Variants in OPA1 observed in about 807,000 individuals in gnomAD.
OPA1 encodes the protein dynamin-like GTPase OPA1, mitochondrial.
Under a neutral mutation model 152.9 loss-of-function variants are expected in OPA1, and 59 were observed. The observed-to-expected ratio is 0.39, with a 90% CI of 0.31 to 0.48. OPA1 has a LOEUF of 0.48. Among genes scored for constraint, OPA1 ranks in the 20% least tolerant of loss-of-function variants. The pLI, the probability that OPA1 is intolerant of heterozygous loss-of-function variation, is 0.96. For missense variants in OPA1, 1,008 were observed against 1,216.8 expected (o/e 0.83, Z 2.55); for synonymous variants, 400 against 389.9 (o/e 1.03, Z -0.31).
At chr3:193,636,217 A>G (rs981851589) in intron 9 of OPA1, among the ~76,000 whole-genome samples, 1 of 151,926 alleles carries the variant, frequency 6.6e-6, no homozygotes, top group Admixed American at 6.6e-5. Context: ...CTTAACAAAC[A>G]TGCATTAGTA....
intron 7 of OPA1, among the ~76,000 whole-genome samples, chr3:193,626,506 T>G (rs1208540618): frequency 6.6e-6 from 1 of 152,210 alleles, no homozygotes; most frequent in Non-Finnish European, 1.5e-5. Context: ...AGTTATTGAG[T>G]CACCCTAAGT....
rs1452342143 is a variant in OPA1 at position 193,643,571 on chromosome 3, T to G, written c.1421T>G (p.Phe474Cys). ...GCTCCTGACACAAAGGAAACTATTT[T>G]CAGTATCAGCAAAGCTTACATGCAG... is the stretch of plus-strand genomic sequence containing the variant. ...GMAPDTKETI[F>C]SISKAYMQNP... Residue 474 changes from phenylalanine to cysteine, a missense_variant, in exon 15 of 31, where the codon TTC (phenylalanine) becomes TGC (cysteine). This residue lies in a region of OPA1 where 213 missense variants were observed against 291.4 expected (regional missense o/e 0.73). Transcript: ENST00000361510. 2 of 1,613,952 alleles carry G rather than the reference T, an allele frequency of 1.2e-6. No homozygotes were observed. Among genetic ancestry groups the G allele is most frequent in the South Asian group, 1.1e-5 (1 of 91,066 alleles).
intron 6 of OPA1, among the ~76,000 whole-genome samples, chr3:193,622,893 C>A (rs1179542646): frequency 6.6e-6 from 1 of 152,146 alleles, no homozygotes. Context: ...TTTTGGTCCC[C>A]TCAATTTTTT....
At position 193,624,875 on chromosome 3, in the gene OPA1, G is replaced by A. The variant is rs186898724; in HGVS notation, c.679-1217G>A. 4.5e-4 allele frequency among the ~76,000 whole-genome samples: 68 copies of A among 151,812 alleles called. 2 individuals carry two copies. In the South Asian group the frequency reaches 0.013, roughly 30 times the overall value. On this transcript the variant is annotated intron_variant, in intron 6 of 30. Transcript: ENST00000361510. ...CTAATTATATAAAATAAAATATTTT[G>A]GGCAGTCATTTTTTAACTCTGAAAC... is the stretch of plus-strand genomic sequence containing the variant.
rs2109483757 is a variant in OPA1, at chr3:193,696,700, A to G, written c.*2100A>G. ...ATTTAAACAAAAAGATACTAAATAT[A>G]CAGAAGTTAAATTCGAACTAGCCAC... On this transcript the variant is annotated 3_prime_UTR_variant, in exon 31 of 31. Transcript: ENST00000361510. 6.6e-6 allele frequency: 1 copy of G among 152,366 alleles called. No individual in the cohort carries two copies. Among genetic ancestry groups the G allele is most frequent in the Non-Finnish European group, 1.5e-5 (1 of 68,036 alleles). 9.4% of individuals were successfully genotyped at this position (152,366 alleles called of 1,614,324 possible).
chr3:193,631,746 T>C, intron 8 of OPA1, 81 bp downstream of exon 8: 7 of 1,250,544 alleles, frequency 5.6e-6, no homozygotes, highest in Non-Finnish European at 8.2e-6. Context: ...ACATTTATTT[T>C]TTCAACAGAG....
Position 193,617,378 on chromosome 3 carries a change from T to G in OPA1, c.556+93T>G. On this transcript the variant is annotated intron_variant, in intron 4 of 30. Transcript: ENST00000361510. ...TTGTTTATTCCCATTTTTTTAAAAT[T>G]AAAATATTTAGTACCAATGAAAAAC... 3.9e-6 allele frequency: 3 copies of G among 760,136 alleles called. No homozygotes were observed. In the South Asian group the frequency reaches 4.9e-5, roughly 12 times the overall value. 47.1% of individuals were successfully genotyped at this position (760,136 alleles called of 1,614,324 possible). A position where few individuals can be genotyped will look rare whatever the true frequency, so the allele number is the denominator to read the frequency against.
At chr3:193,598,972 A>G (rs954520202) in intron 1 of OPA1, among the ~76,000 whole-genome samples, 1 of 152,186 alleles carries the variant, frequency 6.6e-6, no homozygotes, top group South Asian at 2.1e-4. Context: ...AAGTGATAAC[A>G]TGGGTCACGC....
intron 9 of OPA1, 56 bp from the exon 10 acceptor site, chr3:193,637,139 A>G: frequency 5.4e-6 from 5 of 919,632 alleles, no homozygotes; most frequent in Non-Finnish European, 8.5e-6. Context: ...CACATCTGTT[A>G]TATTTTTTTC....
intron 22 of OPA1, among the ~76,000 whole-genome samples, chr3:193,655,727 G>A (rs1195640469): frequency 2.0e-5 from 3 of 152,140 alleles, no homozygotes; most frequent in African/African-American, 7.2e-5. Flanking sequence ...ACTGCTCAGG[G>A]AATGGACCTG....
intron 1 of OPA1, among the ~76,000 whole-genome samples, chr3:193,595,127 C>T (rs1421328677): frequency 6.6e-6 from 1 of 152,104 alleles, no homozygotes; most frequent in African/African-American, 2.4e-5. Flanking sequence ...GTTTAGCTAC[C>T]TAAAGAAGTA....
chr3:193,668,956 C>A (rs775193710), intron 29 of OPA1: 12 of 730,248 alleles, frequency 1.6e-5, no homozygotes, highest in Non-Finnish European at 1.9e-5. Context: ...TGCCTTGTTA[C>A]AAGTTTCACT....
chr3:193,644,212 C>G (rs1734199134), intron 16 of OPA1, 107 bp downstream of exon 16: 2 of 1,291,366 alleles, frequency 1.5e-6, no homozygotes, highest in Non-Finnish European at 2.2e-6. Flanking sequence ...AAACACCTTA[C>G]AACTAAGATT....
intron 29 of OPA1, among the ~76,000 whole-genome samples, chr3:193,676,908 G>A (rs1577370171): frequency 6.6e-6 from 1 of 150,918 alleles, no homozygotes; most frequent in Non-Finnish European, 1.5e-5. Context: ...GTGAACCTGG[G>A]AGGCGGAGCT....
At chr3:193,620,836 G>C (rs181297704) in intron 6 of OPA1, among the ~76,000 whole-genome samples, 5 of 152,216 alleles carry the variant, frequency 3.3e-5, no homozygotes, top group Non-Finnish European at 5.9e-5. Flanking sequence ...GCTTGAGAAT[G>C]ATGAGTCACT....
intron 1 of OPA1, among the ~76,000 whole-genome samples, chr3:193,599,412 T>G (rs996473155): frequency 1.3e-5 from 2 of 151,704 alleles, no homozygotes; most frequent in African/African-American, 2.4e-5. Context: ...TTTTTTTTTT[T>G]GTACTTTTTT....
rs902875056 is a variant in OPA1 at position 193,593,210 on chromosome 3, G to A, written c.-168G>A. The A allele has an allele frequency of 8.7e-6, 5 of 575,926 alleles. No individual in the cohort carries two copies. The highest frequency in any genetic ancestry group is 7.7e-5 in the African/African-American group (4 of 51,844). 35.7% of individuals were successfully genotyped at this position (575,926 alleles called of 1,614,324 possible). A position where few individuals can be genotyped will look rare whatever the true frequency, so the allele number is the denominator to read the frequency against. On this transcript the variant is annotated 5_prime_UTR_variant, in exon 1 of 31. Transcript: ENST00000361510. ...CGGACTGAGTACGGGTGCCTGTCAG[G>A]CTCTTGCGGAAGTCCATGCGCCATT...
At chr3:193,627,787 G>A (rs2108954946) in intron 7 of OPA1, among the ~76,000 whole-genome samples, 1 of 152,156 alleles carries the variant, frequency 6.6e-6, no homozygotes, top group Non-Finnish European at 1.5e-5. Context: ...CTTTATTTGG[G>A]CTTAGAGATG....
chr3:193,614,821 A>G lies in OPA1; in HGVS notation c.131A>G (p.His44Arg), dbSNP rs1340467055. 1 of 1,613,720 alleles carries G rather than the reference A, an allele frequency of 6.2e-7. No individual in the cohort carries two copies. The highest frequency in any genetic ancestry group is 2.2e-5 in the East Asian group (1 of 44,882). Residue 44 changes from histidine (H) to arginine (R), a missense_variant, in exon 2 of 31, where the codon CAT becomes CGT. His to Arg is a conservative substitution (Grantham distance 29). Around this residue, in one of 7 missense-constraint regions of OPA1, gnomAD observed 408 missense variants for 395.1 expected, o/e 1.03. Coordinates refer to ENST00000361510, the MANE Select transcript of OPA1 (RefSeq NM_130837.3). ...GTTTCACGAAGCATTTATCATTCAC[A>G]TCATCCTACCTTAAAGCTTCAACGA... ...HLVSRSIYHS[H>R]HPTLKLQRPQ...
Sources: gnomAD v4.1 joint callset for allele counts (sites outside exome capture counted in the v4.1 genomes callset) on GRCh38, gnomAD v4.1.1 for gene constraint, gnomAD v4.1.1 regional missense constraint, MANE v1.5 for transcripts, NCBI Gene and HGNC (gene_info 2026-07-23, HGNC 2026-07-21) for gene names.